Variants in EVC2 observed in about 807,000 individuals in gnomAD.
EVC2 encodes the protein EvC ciliary complex subunit 2, also known as limbin.
In EVC2, 148 loss-of-function variants were observed where a neutral mutation model predicts 149.3. The observed-to-expected ratio is 0.99, with a 90% CI of 0.87 to 1.14. The LOEUF (loss-of-function observed/expected upper bound fraction) is 1.14, where lower values mean the gene tolerates loss of function less well. EVC2 is among the 50% of genes most tolerant of loss of function. The pLI is 0.00. For missense variants in EVC2, 1,854 were observed against 1,627.3 expected (o/e 1.14, Z -2.40); for synonymous variants, 776 against 649.9 (o/e 1.19, Z -2.95).
intron 16 of EVC2, among the ~76,000 whole-genome samples, chr4:5,609,284 C>G (rs940157952): frequency 3.9e-5 from 6 of 152,198 alleles, no homozygotes; most frequent in African/African-American, 1.4e-4. Flanking sequence ...CATGATCAAG[C>G]AACTCTTAGT....
At position 5,569,937 on chromosome 4, in the gene EVC2, G is replaced by A. The variant is rs147608473; in HGVS notation, c.3361-1297C>T. Among the ~76,000 whole-genome samples the A allele has an allele frequency of 5.4e-4, 82 of 152,166 alleles. No individual in the cohort carries two copies. The highest frequency in any genetic ancestry group is 1.7e-3 in the African/African-American group (72 of 41,510). ...TTGTTCTTCCCTGACCGTCCTGCTCGCCCAGGCCACTGAGCCCTTACCCAT... is the reference window on the plus strand; with the variant it reads ...TTGTTCTTCCCTGACCGTCCTGCTCACCCAGGCCACTGAGCCCTTACCCAT... On this transcript the variant is annotated intron_variant, in intron 19 of 21. Transcript: ENST00000344408. This position sits in a 1 kb window ranked among gnomAD's most constrained non-coding sequence, Gnocchi z 4.8.
chr4:5,614,045 A>G lies in EVC2; in HGVS notation c.2829+1377T>C, dbSNP rs1715050188. 6.6e-6 allele frequency among the ~76,000 whole-genome samples: 1 copy of G among 152,226 alleles called. No homozygotes were observed. The highest frequency in any genetic ancestry group is 1.5e-5 in the Non-Finnish European group (1 of 68,040). On this transcript the variant is annotated intron_variant, in intron 16 of 21. Transcript: ENST00000344408. This position sits in a 1 kb window ranked among gnomAD's most constrained non-coding sequence, Gnocchi z 4.7. ...AACAGCAGCTCTAAAGCATGGCTTCATACATTCATTCACTGAACATACTCC... is the reference window on the plus strand; with the variant it reads ...AACAGCAGCTCTAAAGCATGGCTTCGTACATTCATTCACTGAACATACTCC...
At chr4:5,555,585 T>C (rs111310168) in intron 21 of EVC2, among the ~76,000 whole-genome samples, 2,643 of 152,208 alleles carry the variant, frequency 0.017, 62 homozygotes, top group African/African-American at 0.059. Flanking sequence ...GGTAAAGGGA[T>C]CAATTCATCA....
chr4:5,532,708 A>G, the EVC2 span, among the ~76,000 whole-genome samples: 1 of 152,006 alleles, frequency 6.6e-6, no homozygotes, highest in East Asian at 1.9e-4. Flanking sequence ...TAGCAGAGAG[A>G]GCTTAGCTGC....
At chr4:5,703,965 C>A (rs559721867) in intron 1 of EVC2, among the ~76,000 whole-genome samples, 3 of 152,022 alleles carry the variant, frequency 2.0e-5, no homozygotes, top group Admixed American at 6.5e-5. Context: ...AGGAAAGACC[C>A]GTGCAAGGGC....
intron 1 of EVC2, among the ~76,000 whole-genome samples, chr4:5,706,453 C>CATAGATAGATAGATAG (rs1560243918): frequency 2.6e-5 from 1 of 39,044 alleles, no homozygotes; most frequent in Admixed American, 2.5e-4. Flanking sequence ...TAGATACATA[C>CATAGATAGATAGATAG]ATACATACAT....
At chr4:5,612,851 G>A (rs1168528098) in intron 16 of EVC2, among the ~76,000 whole-genome samples, 2 of 146,818 alleles carry the variant, frequency 1.4e-5, no homozygotes, top group Admixed American at 7.0e-5. Flanking sequence ...GAACCCGGGA[G>A]GCAGAGCTTG....
intron 15 of EVC2, among the ~76,000 whole-genome samples, chr4:5,616,524 C>T (rs573957070): frequency 2.0e-5 from 3 of 152,288 alleles, no homozygotes; most frequent in East Asian, 3.9e-4. Flanking sequence ...TGGGTGAGAA[C>T]GGCCAAGAGA....
downstream of EVC2, among the ~76,000 whole-genome samples, chr4:5,557,821 A>T (rs4334690): frequency 0.51 from 78,112 of 151,976 alleles, 22,304 homozygotes; most frequent in Non-Finnish European, 0.65. Flanking sequence ...AAATACCACC[A>T]AATTAATATA....
chr4:5,570,060 C>A (rs1221378168), intron 19 of EVC2, among the ~76,000 whole-genome samples: 1 of 152,182 alleles, frequency 6.6e-6, no homozygotes, highest in Non-Finnish European at 1.5e-5. Context: ...CTGACCCCAT[C>A]TTCTGGGTCA....
Position 5,576,559 on chromosome 4 carries a change from T to C in EVC2, c.3058-105A>G, listed in dbSNP as rs543012335. ...TCTTGCTACAAGTCTGGCATGACTC[T>C]GTCTTGCCTGGTTCCCCATCCAGCT... On this transcript the variant is annotated intron_variant, in intron 17 of 21. Transcript: ENST00000344408. This position sits in a 1 kb window ranked among gnomAD's most constrained non-coding sequence, Gnocchi z 4.5. 2,114 of 1,521,490 alleles carry C rather than the reference T, an allele frequency of 1.4e-3. No individual in the cohort carries two copies. The highest frequency in any genetic ancestry group is 1.6e-3 in the Non-Finnish European group (1,848 of 1,135,696). 94.2% of individuals were successfully genotyped at this position (1,521,490 alleles called of 1,614,324 possible).
At position 5,642,611 on chromosome 4, in the gene EVC2, C is replaced by T. The variant is rs151042510; in HGVS notation, c.1146-1773G>A. Among the ~76,000 whole-genome samples, 652 of 152,262 alleles carry T rather than the reference C, an allele frequency of 4.3e-3. 5 individuals carry two copies. Among genetic ancestry groups the T allele is most frequent in the African/African-American group, 0.015 (616 of 41,538 alleles). On this transcript the variant is annotated intron_variant, in intron 9 of 21. Transcript: ENST00000344408. ...CACAATAATTTCCTCAGTACAGATT[C>T]CCATGAGAGGAACTGCTGGGTCAGA...
intron 16 of EVC2, among the ~76,000 whole-genome samples, chr4:5,607,631 C>T (rs182376155): frequency 9.9e-4 from 151 of 152,238 alleles, no homozygotes; most frequent in Non-Finnish European, 1.8e-3. Flanking sequence ...TCATATTTGT[C>T]GGTCTCTCCT....
In EVC2 at chr4:5,704,531, A is replaced by G. The variant is rs550940174; in HGVS notation, c.228+3755T>C. Among the ~76,000 whole-genome samples, 6 of 152,172 alleles carry G rather than the reference A, an allele frequency of 3.9e-5. No individual in the cohort carries two copies. In the East Asian group the frequency reaches 1.2e-3, roughly 30 times the overall value. On this transcript the variant is annotated intron_variant, in intron 1 of 21. Transcript: ENST00000344408. ...GGAGCTCAGAGAAGGTCTTGGCTGG[A>G]GATGGAAATTCGGGAGCTGCCAGGG...
rs1267566110 is a variant in EVC2 at position 5,657,141 on chromosome 4, C to T, written c.1145+5966G>A. ...ACCTCGTCCAGGCAGGGAGGCCCAC[C>T]AGCCTCACACGGGCACTCCATGTTG... On this transcript the variant is annotated intron_variant, in intron 9 of 21. Transcript: ENST00000344408. The surrounding 1 kb of genome is among the most constrained non-coding windows in gnomAD (Gnocchi z 4.7). Among the ~76,000 whole-genome samples the T allele has an allele frequency of 6.6e-6, 1 of 152,172 alleles. No individual in the cohort carries two copies. The highest frequency in any genetic ancestry group is 1.5e-5 in the Non-Finnish European group (1 of 68,034).
chr4:5,562,425 T>G, downstream of EVC2: 1 of 1,013,856 alleles, frequency 9.9e-7, no homozygotes, highest in Non-Finnish European at 1.2e-6. The surrounding 1 kb of genome is among the most constrained non-coding windows in gnomAD (Gnocchi z 4.3). Flanking sequence ...AACATGGGTT[T>G]TGTAATAAAC....
intron 21 of EVC2, chr4:5,543,232 T>C (rs1349327718): frequency 7.8e-7 from 1 of 1,288,808 alleles, no homozygotes; most frequent in Non-Finnish European, 1.0e-6. Context: ...GATACAATCC[T>C]GGTCTAACCA....
Position 5,677,373 on chromosome 4 carries a change from C to A in EVC2, c.870+3887G>T, listed in dbSNP as rs111782414. ...ACCATAGGGCCATCCTGTGCATACACCTCCTCTTCCCACTCAACAGGGAGC... is the reference window on the plus strand; with the variant it reads ...ACCATAGGGCCATCCTGTGCATACAACTCCTCTTCCCACTCAACAGGGAGC... On this transcript the variant is annotated intron_variant, in intron 7 of 21. Transcript: ENST00000344408. The surrounding 1 kb of genome is among the most constrained non-coding windows in gnomAD (Gnocchi z 4.3). Among the ~76,000 whole-genome samples the A allele has an allele frequency of 9.2e-5, 14 of 152,312 alleles. No individual in the cohort carries two copies. The highest frequency in any genetic ancestry group is 3.4e-4 in the African/African-American group (14 of 41,576).
intron 16 of EVC2, among the ~76,000 whole-genome samples, chr4:5,603,777 T>C (rs67223809): frequency 0.064 from 9,737 of 152,248 alleles, 913 homozygotes; most frequent in African/African-American, 0.21. Context: ...AAGATCATTA[T>C]AATAAGACCA....
Sources: allele counts gnomAD v4.1 joint callset (sites outside exome capture counted in the v4.1 genomes callset), GRCh38; gene constraint gnomAD v4.1.1; non-coding constraint Gnocchi (gnomAD v3.1); transcripts MANE v1.5; gene names NCBI Gene and HGNC (gene_info 2026-07-23, HGNC 2026-07-21).